TNKS: variants seen among roughly 807,000 people sequenced by gnomAD.
TNKS encodes the protein tankyrase.
TNKS carries 72 observed loss-of-function variants against 135.8 expected under a neutral mutation model. That is an observed-to-expected ratio of 0.53 (90% confidence interval 0.44 to 0.64). The LOEUF (loss-of-function observed/expected upper bound fraction) is 0.64, where lower values mean the gene tolerates loss of function less well. TNKS is among the 30% of genes least tolerant of loss of function. The pLI, the probability that TNKS is intolerant of heterozygous loss-of-function variation, is 0.00. For synonymous variants in TNKS, 849 were observed against 649.3 expected, an observed-to-expected ratio of 1.31 and a Z score of -4.68; for missense variants, 1,769 against 1,674.0, an observed-to-expected ratio of 1.06 and a Z score of -0.99.
chr8:9,651,984 A>G (rs1230976417), intron 3 of TNKS, among the ~76,000 whole-genome samples: 1 of 152,204 alleles, frequency 6.6e-6, no homozygotes, highest in Non-Finnish European at 1.5e-5. Flanking sequence ...CACAATCAAT[A>G]TGCGTTTCAT....
intron 2 of TNKS, among the ~76,000 whole-genome samples, chr8:9,606,901 G>T (rs1484978528): frequency 3.9e-5 from 6 of 152,100 alleles, no homozygotes; most frequent in Non-Finnish European, 8.8e-5. Context: ...TGTTAGTGCA[G>T]ATCTGTGGAA....
At chr8:9,603,966 A>G (rs1012913684) in intron 2 of TNKS, among the ~76,000 whole-genome samples, 2 of 151,956 alleles carry the variant, frequency 1.3e-5, no homozygotes, top group South Asian at 4.1e-4. Flanking sequence ...TGTTAAAAAA[A>G]CAAAGATGTT....
rs561280221 is a variant in TNKS at position 9,745,600 on chromosome 8, T to G, written c.2644-2424T>G. Among the ~76,000 whole-genome samples, 272 of 152,246 alleles carry G rather than the reference T, an allele frequency of 1.8e-3. 2 individuals are homozygous for G. Among genetic ancestry groups the G allele is most frequent in the African/African-American group, 6.2e-3 (258 of 41,564 alleles). ...TTGTGTATTTAGCAGAGATGGGGTT[T>G]CGCCATGTTGGCCAGGATGGTCTCA... On this transcript the variant is annotated intron_variant, in intron 17 of 26. Coordinates refer to ENST00000310430, the MANE Select transcript of TNKS (RefSeq NM_003747.3).
chr8:9,769,964 C>G (rs1807724213), intron 25 of TNKS, 142 bp from the exon 26 acceptor site: 2 of 681,540 alleles, frequency 2.9e-6, no homozygotes, highest in Admixed American at 3.0e-5. Context: ...AAATTCCATC[C>G]CATTCCTACT....
intron 2 of TNKS, among the ~76,000 whole-genome samples, chr8:9,612,010 C>G (rs769271673): frequency 6.6e-6 from 1 of 151,944 alleles, no homozygotes; most frequent in Non-Finnish European, 1.5e-5. Context: ...TATTTTAGAT[C>G]GTAATGCTTC....
At chr8:9,585,659 G>A (rs1798349504) in intron 2 of TNKS, among the ~76,000 whole-genome samples, 1 of 152,186 alleles carries the variant, frequency 6.6e-6, no homozygotes, top group African/African-American at 2.4e-5. Context: ...GAACAGTTCT[G>A]CAGCCTTTTG....
At chr8:9,726,778 T>C in intron 13 of TNKS, 58 bp downstream of exon 13, 2 of 1,354,696 alleles carry the variant, frequency 1.5e-6, no homozygotes, top group Non-Finnish European at 2.1e-6. Flanking sequence ...AACCAATTCA[T>C]TTTTAAGCTT....
chr8:9,586,656 A>G (rs909371512), intron 2 of TNKS, among the ~76,000 whole-genome samples: 26 of 152,022 alleles, frequency 1.7e-4, no homozygotes, highest in Non-Finnish European at 1.3e-4. Flanking sequence ...AAAAAATGTT[A>G]AAACAGCCAG....
At chr8:9,566,591 G>C (rs1797550577) in intron 1 of TNKS, 1 of 132,216 alleles carries the variant, frequency 7.6e-6, no homozygotes, top group Non-Finnish European at 1.6e-5. Context: ...TATTAGCCCA[G>C]TCTTTTTTTT....
chr8:9,628,041 C>G (rs1800132011), intron 3 of TNKS, among the ~76,000 whole-genome samples: 1 of 152,142 alleles, frequency 6.6e-6, no homozygotes, highest in Non-Finnish European at 1.5e-5. Context: ...ACTTTTTGCT[C>G]TGGATTTCAT....
chr8:9,677,453 A>G (rs751991992), intron 3 of TNKS, among the ~76,000 whole-genome samples: 7 of 152,168 alleles, frequency 4.6e-5, no homozygotes, highest in Non-Finnish European at 1.0e-4. Context: ...TTGCGGTTTT[A>G]TTACCACTCT....
rs181874705 is a variant in TNKS at position 9,623,071 on chromosome 8, A to C, written c.994+7394A>C. ...TCAATGTGGTCTCTCTCTGTGTCTC[A>C]CAATATCTAATTGTACTGTATTCAC... On this transcript the variant is annotated intron_variant, in intron 3 of 26. Transcript: ENST00000310430. Among the ~76,000 whole-genome samples, 3 of 152,330 alleles carry C rather than the reference A, an allele frequency of 2.0e-5. No individual in the cohort carries two copies. The East Asian group carries it at 5.8e-4, about 29-fold the overall frequency.
chr8:9,641,953 C>T (rs911550755), intron 3 of TNKS, among the ~76,000 whole-genome samples: 1 of 146,228 alleles, frequency 6.8e-6, no homozygotes, highest in Admixed American at 7.2e-5. Context: ...CTCACAAAGC[C>T]TTGTCTTCCA....
Position 9,781,583 on chromosome 8 carries a change from C to A in TNKS, c.*4847C>A, listed in dbSNP as rs1005512607. 1.3e-5 allele frequency: 2 copies of A among 152,500 alleles called. No individual in the cohort carries two copies. The highest frequency in any genetic ancestry group is 2.9e-5 in the Non-Finnish European group (2 of 68,044). 9.4% of individuals were successfully genotyped at this position (152,500 alleles called of 1,614,324 possible). ...TGTGCATATAACACCTGCTTCTGCT[C>A]CCATTGTTTCAAGCTCATCTTATCT... On this transcript the variant is annotated 3_prime_UTR_variant, in exon 27 of 27. Transcript: ENST00000310430.
chr8:9,575,816 AT>A (rs1183252445), intron 1 of TNKS, among the ~76,000 whole-genome samples: 3 of 152,252 alleles, frequency 2.0e-5, no homozygotes, highest in Admixed American at 6.5e-5. Context: ...AACTATGAGT[AT>A]TTTAAAACTT....
chr8:9,620,201 C>T (rs909432176), intron 3 of TNKS, among the ~76,000 whole-genome samples: 1 of 152,190 alleles, frequency 6.6e-6, no homozygotes, highest in African/African-American at 2.4e-5. Context: ...GCTGCCTTGG[C>T]CTCCCAAAGT....
intron 3 of TNKS, chr8:9,658,217 C>T: frequency 3.1e-6 from 1 of 319,608 alleles, no homozygotes; most frequent in African/African-American, 2.3e-5. Flanking sequence ...GGCAGAGACG[C>T]TCCTCACTTC....
chr8:9,629,808 G>A (rs1026228967), intron 3 of TNKS, among the ~76,000 whole-genome samples: 15 of 152,126 alleles, frequency 9.9e-5, no homozygotes, highest in Non-Finnish European at 7.4e-5. Flanking sequence ...TCAGCCTCCT[G>A]AGTAGCTGGG....
At chr8:9,564,302 A>G (rs891085910) in intron 1 of TNKS, among the ~76,000 whole-genome samples, 12 of 152,194 alleles carry the variant, frequency 7.9e-5, no homozygotes, top group Non-Finnish European at 1.6e-4. Context: ...TTTGACAGTT[A>G]ACAGGCCAGA....
Sources: allele counts gnomAD v4.1 joint callset (sites outside exome capture counted in the v4.1 genomes callset), GRCh38; gene constraint gnomAD v4.1.1; transcripts MANE v1.5; gene names NCBI Gene and HGNC (gene_info 2026-07-23, HGNC 2026-07-21).